PRKACB: variants seen among roughly 807,000 people sequenced by gnomAD.
PRKACB encodes the protein cAMP-dependent protein kinase catalytic subunit beta.
PRKACB carries 16 observed loss-of-function variants against 51.4 expected under a neutral mutation model. The observed-to-expected ratio is 0.31, with a 90% CI of 0.21 to 0.47. The LOEUF is 0.47. Ranked by LOEUF, PRKACB falls within the 20% of genes least tolerant of loss-of-function variation. The pLI is 1.00. For synonymous variants in PRKACB, 147 were observed against 154.4 expected (o/e 0.95, Z 0.35); for missense variants, 309 against 464.5 (o/e 0.67, Z 3.08).
intron 2 of PRKACB, 120 bp downstream of exon 2, chr1:84,179,358 G>C: frequency 8.4e-7 from 1 of 1,192,282 alleles, no homozygotes; most frequent in Non-Finnish European, 1.1e-6. Context: ...GTAAACAGAA[G>C]CTTAAAATGG....
intron 6 of PRKACB, 44 bp from the exon 7 acceptor site, chr1:84,197,685 G>A: frequency 1.5e-6 from 2 of 1,294,430 alleles, no homozygotes; most frequent in Non-Finnish European, 2.2e-6. Context: ...TACATTTATT[G>A]TGAGGTAATA....
chr1:84,131,485 T>C (rs1652206233), intron 1 of PRKACB, among the ~76,000 whole-genome samples: 1 of 151,996 alleles, frequency 6.6e-6, no homozygotes, highest in African/African-American at 2.4e-5. Flanking sequence ...AGGCAGAGAA[T>C]GAGAAATGGA....
chr1:84,167,127 G>A (rs1657754646), intron 1 of PRKACB, among the ~76,000 whole-genome samples: 1 of 151,476 alleles, frequency 6.6e-6, no homozygotes, highest in Non-Finnish European at 1.5e-5. Context: ...ACACTGGGAT[G>A]GCTTCTAGAT....
Position 84,179,214 on chromosome 1 carries a change from G to T in PRKACB, c.225G>T (p.Leu75Phe). 2 of 1,578,468 alleles carry T rather than the reference G, an allele frequency of 1.3e-6. No homozygotes were observed. Among genetic ancestry groups the T allele is most frequent in the Non-Finnish European group, 1.7e-6 (2 of 1,162,656 alleles). ...EFLAKAKEDF[L>F]KKWENPTQNN... Reference sequence around the variant, plus strand: ...TAGCCAAAGCCAAAGAAGACTTTTTGAAAAAATGGGAGAATCCAACTCAGG... The same window carrying T: ...TAGCCAAAGCCAAAGAAGACTTTTTTAAAAAATGGGAGAATCCAACTCAGG... The change falls in exon 2 of 10, where the codon TTG becomes TTT. Residue 75 changes from leucine (L) to phenylalanine (F), a missense_variant. Leu to Phe is a conservative substitution (Grantham distance 22). Coordinates refer to ENST00000370685, the MANE Select transcript of PRKACB (RefSeq NM_182948.4).
At chr1:84,093,150 G>A (rs1334217876) in intron 1 of PRKACB, among the ~76,000 whole-genome samples, 1 of 151,686 alleles carries the variant, frequency 6.6e-6, no homozygotes, top group Non-Finnish European at 1.5e-5. Context: ...GCCTTCCTCG[G>A]TCTTCTTTAA....
At chr1:84,164,478 G>T in intron 1 of PRKACB, 1 of 1,540,502 alleles carries the variant, frequency 6.5e-7, no homozygotes. Flanking sequence ...TGTAAAAAGC[G>T]TAGATTAGTG....
intron 1 of PRKACB, among the ~76,000 whole-genome samples, chr1:84,154,245 A>G (rs974204420): frequency 2.0e-5 from 3 of 151,980 alleles, no homozygotes; most frequent in Admixed American, 2.0e-4. Flanking sequence ...GAGTTGTTTG[A>G]GTTCCTTATA....
intron 5 of PRKACB, among the ~76,000 whole-genome samples, chr1:84,192,981 T>C (rs906811187): frequency 1.3e-5 from 2 of 152,248 alleles, no homozygotes; most frequent in African/African-American, 4.8e-5. Flanking sequence ...AAATAAAGTA[T>C]GTCCTTACCA....
chr1:84,136,859 C>T (rs940631957), intron 1 of PRKACB, among the ~76,000 whole-genome samples: 5 of 152,172 alleles, frequency 3.3e-5, no homozygotes, highest in Non-Finnish European at 5.9e-5. Context: ...ACCCAAATCT[C>T]ATCATGAATT....
intron 8 of PRKACB, 105 bp from the exon 9 acceptor site, chr1:84,214,048 G>T: frequency 8.4e-7 from 1 of 1,194,472 alleles, no homozygotes; most frequent in Non-Finnish European, 1.1e-6. Flanking sequence ...CCATATTTTT[G>T]TTTATATAAT....
chr1:84,109,952 G>GT (rs1431054116), intron 1 of PRKACB, among the ~76,000 whole-genome samples: 1 of 151,806 alleles, frequency 6.6e-6, no homozygotes, highest in African/African-American at 2.4e-5. Flanking sequence ...ATATAGTCAA[G>GT]TATATGTTTT....
chr1:84,109,252 GA>G (rs1650022715), intron 1 of PRKACB, among the ~76,000 whole-genome samples: 1 of 151,812 alleles, frequency 6.6e-6, no homozygotes, highest in Non-Finnish European at 1.5e-5. Context: ...CATTTCTATT[GA>G]GTATATATAT....
intron 1 of PRKACB, among the ~76,000 whole-genome samples, chr1:84,081,720 A>C (rs1459186697): frequency 2.0e-5 from 3 of 152,094 alleles, no homozygotes; most frequent in African/African-American, 4.8e-5. Flanking sequence ...GTTTTTATTT[A>C]TTTCATTTTA....
At chr1:84,146,537 A>G (rs1654105296) in intron 1 of PRKACB, among the ~76,000 whole-genome samples, 1 of 151,986 alleles carries the variant, frequency 6.6e-6, no homozygotes, top group South Asian at 2.1e-4. Context: ...TGACTGTACA[A>G]AGTTTCATAT....
intron 5 of PRKACB, among the ~76,000 whole-genome samples, chr1:84,191,059 TTA>T (rs1421523654): frequency 1.3e-5 from 2 of 152,200 alleles, no homozygotes; most frequent in East Asian, 3.9e-4. Context: ...GATCCTGTTA[TTA>T]TGTTACCAGC....
At chr1:84,092,472 A>G (rs1160002909) in intron 1 of PRKACB, among the ~76,000 whole-genome samples, 4 of 152,202 alleles carry the variant, frequency 2.6e-5, no homozygotes, top group Non-Finnish European at 5.9e-5. Flanking sequence ...CTTTGAACAC[A>G]CTTGTACATG....
In PRKACB at chr1:84,226,197, C is replaced by G. The variant is rs573671311; in HGVS notation, c.1072-8983C>G. ...AGTCAAGTTAGGTAATTTATATTTCCTAGAAAATCATCCTTATCTCCTGTA... is the reference window on the plus strand; with the variant it reads ...AGTCAAGTTAGGTAATTTATATTTCGTAGAAAATCATCCTTATCTCCTGTA... On this transcript the variant is annotated intron_variant, in intron 9 of 9. Transcript: ENST00000370685. 7.3e-4 allele frequency among the ~76,000 whole-genome samples: 111 copies of G among 151,498 alleles called. 1 individual carries two copies. The highest frequency in any genetic ancestry group is 2.6e-3 in the African/African-American group (107 of 41,396).
intron 1 of PRKACB, among the ~76,000 whole-genome samples, chr1:84,099,343 G>A (rs1175301911): frequency 6.7e-6 from 1 of 149,758 alleles, no homozygotes; most frequent in Admixed American, 6.7e-5. Flanking sequence ...TTTAATTAAT[G>A]TTGTATAGTC....
At chr1:84,107,266 G>A (rs1236005897) in intron 1 of PRKACB, among the ~76,000 whole-genome samples, 1 of 152,146 alleles carries the variant, frequency 6.6e-6, no homozygotes, top group African/African-American at 2.4e-5. Context: ...ATGGTTCTGG[G>A]ATAATTGGCT....
Sources: gnomAD v4.1 joint callset for allele counts (sites outside exome capture counted in the v4.1 genomes callset) on GRCh38, gnomAD v4.1.1 for gene constraint, MANE v1.5 for transcripts, NCBI Gene and HGNC (gene_info 2026-07-23, HGNC 2026-07-21) for gene names.